Variants in RANBP17 observed in about 807,000 individuals in gnomAD.
RANBP17 encodes the protein RAN binding protein 17.
Under a neutral mutation model 141.2 loss-of-function variants are expected in RANBP17, and 158 were observed. That is an observed-to-expected ratio of 1.12 (90% CI 0.98 to 1.28). RANBP17 has a LOEUF of 1.28. Among genes scored for constraint, RANBP17 ranks in the 50% most tolerant of loss-of-function variants. RANBP17 has a pLI of 0.00. For synonymous variants in RANBP17, 430 were observed against 450.0 expected (o/e 0.96, Z 0.56); for missense variants, 1,438 against 1,290.7 (o/e 1.11, Z -1.75).
intron 14 of RANBP17, among the ~76,000 whole-genome samples, chr5:171,034,560 C>T (rs916206594): frequency 1.3e-5 from 2 of 152,220 alleles, no homozygotes; most frequent in African/African-American, 4.8e-5. Flanking sequence ...AATCAACCAA[C>T]TTCTTTCCAT....
rs1322533269 is a variant in RANBP17 at position 171,089,496 on chromosome 5, G to T, written c.1711-80634G>T. 2.0e-5 allele frequency among the ~76,000 whole-genome samples: 3 copies of T among 152,200 alleles called. No individual in the cohort carries two copies. In the East Asian group the frequency reaches 5.8e-4, roughly 30 times the overall value. ...CTGTGGTGGGCTCCACCCAGCTCGA[G>T]CTTCCCGGCTGCTTTGTTTACCTAA... On this transcript the variant is annotated intron_variant, in intron 14 of 27. Transcript: ENST00000523189.
At chr5:171,082,886 GAAA>G (rs11418055) in intron 14 of RANBP17, among the ~76,000 whole-genome samples, 5 of 145,124 alleles carry the variant, frequency 3.4e-5, no homozygotes, top group Admixed American at 2.1e-4. Flanking sequence ...CCTCTTTAAA[GAAA>G]AAAAAAAAAG....
intron 19 of RANBP17, 131 bp from the exon 20 acceptor site, chr5:171,205,393 G>A (rs1581019705): frequency 1.5e-6 from 1 of 681,374 alleles, no homozygotes; most frequent in East Asian, 2.7e-5. Context: ...CTTTTCTGTA[G>A]AAAGAGGTCT....
chr5:170,949,111 C>T (rs940815591), intron 12 of RANBP17, among the ~76,000 whole-genome samples: 2 of 152,136 alleles, frequency 1.3e-5, no homozygotes, highest in Non-Finnish European at 2.9e-5. Context: ...CACTGCCCTC[C>T]AGCCTGGGTG....
chr5:170,937,022 C>T (rs1773936110), intron 12 of RANBP17, among the ~76,000 whole-genome samples: 1 of 152,110 alleles, frequency 6.6e-6, no homozygotes, highest in Admixed American at 6.5e-5. Context: ...CTGCCTGTGT[C>T]TTTATATTTA....
At chr5:171,023,106 G>A (rs540967787) in intron 14 of RANBP17, among the ~76,000 whole-genome samples, 7 of 152,164 alleles carry the variant, frequency 4.6e-5, no homozygotes, top group Non-Finnish European at 8.8e-5. Context: ...TAGTCTCCTA[G>A]TCAGTTCTGA....
intron 14 of RANBP17, among the ~76,000 whole-genome samples, chr5:171,061,772 C>T (rs936131458): frequency 1.0e-3 from 155 of 152,264 alleles, no homozygotes; most frequent in African/African-American, 3.7e-3. Flanking sequence ...GTGTTAAAAT[C>T]TCCCATTATT....
At chr5:171,000,878 C>A (rs1385049555) in intron 14 of RANBP17, among the ~76,000 whole-genome samples, 1 of 152,062 alleles carries the variant, frequency 6.6e-6, no homozygotes, top group East Asian at 1.9e-4. Flanking sequence ...AAAGTACATT[C>A]ATCAGTTAGG....
rs141380514 is a variant in RANBP17, at chr5:171,073,449, T to C, written c.1711-96681T>C. The stretch of plus-strand genomic sequence containing the variant: ...TAGGAATGAACAATAAGTGAACATA[T>C]TGTGGGTGTTTAGAGCCAAGTTTCT... On this transcript the variant is annotated intron_variant, in intron 14 of 27. Coordinates refer to ENST00000523189, the MANE Select transcript of RANBP17 (RefSeq NM_022897.5). 9.4e-4 allele frequency among the ~76,000 whole-genome samples: 143 copies of C among 152,198 alleles called. 2 individuals are homozygous for C. The highest frequency in any genetic ancestry group is 3.4e-3 in the African/African-American group (141 of 41,526).
intron 14 of RANBP17, among the ~76,000 whole-genome samples, chr5:171,162,111 G>A (rs1206876268): frequency 1.3e-5 from 2 of 152,188 alleles, no homozygotes; most frequent in Non-Finnish European, 2.9e-5. Flanking sequence ...CCAAGCATCT[G>A]GTGCCATAGC....
intron 14 of RANBP17, among the ~76,000 whole-genome samples, chr5:171,101,302 T>G (rs1787142929): frequency 6.6e-6 from 1 of 152,222 alleles, no homozygotes; most frequent in Non-Finnish European, 1.5e-5. Context: ...GCATATATAT[T>G]TAAGATAGTT....
chr5:171,269,973 G>GT (rs1766986481), intron 25 of RANBP17, among the ~76,000 whole-genome samples: 1 of 152,142 alleles, frequency 6.6e-6, no homozygotes, highest in African/African-American at 2.4e-5. Context: ...AGTTTGAACT[G>GT]TTTTTCCCCC....
At chr5:171,173,674 T>C (rs942538628) in intron 16 of RANBP17, among the ~76,000 whole-genome samples, 4 of 152,108 alleles carry the variant, frequency 2.6e-5, no homozygotes, top group African/African-American at 4.8e-5. Context: ...TTGGTTGCCT[T>C]AAAGCAGTAG....
intron 24 of RANBP17, chr5:171,251,769 C>A: frequency 9.9e-7 from 1 of 1,013,882 alleles, no homozygotes; most frequent in Non-Finnish European, 1.5e-6. Context: ...CCTCCCGCGC[C>A]CGCCCCCGCC....
At chr5:171,119,686 A>T (rs550305755) in intron 14 of RANBP17, among the ~76,000 whole-genome samples, 20 of 152,036 alleles carry the variant, frequency 1.3e-4, no homozygotes, top group Non-Finnish European at 2.1e-4. Flanking sequence ...CTTTTTAGGT[A>T]TTCAAAGGGA....
chr5:170,945,355 G>A (rs1044811337), intron 12 of RANBP17, among the ~76,000 whole-genome samples: 2 of 152,034 alleles, frequency 1.3e-5, no homozygotes, highest in African/African-American at 4.8e-5. Flanking sequence ...TTTTTTTGTA[G>A]GTATGATACA....
At chr5:170,862,215 A>G (rs996403939) in intron 1 of RANBP17, among the ~76,000 whole-genome samples, 164 bp downstream of exon 1, 1 of 151,916 alleles carries the variant, frequency 6.6e-6, no homozygotes, top group Non-Finnish European at 1.5e-5. Flanking sequence ...GGACCGGGAC[A>G]CTGGTCTGGG....
intron 8 of RANBP17, among the ~76,000 whole-genome samples, chr5:170,915,493 C>T (rs1474293490): frequency 3.9e-5 from 6 of 152,070 alleles, no homozygotes; most frequent in African/African-American, 1.2e-4. Flanking sequence ...TATACTTGTA[C>T]TTCTGAGTTT....
intron 19 of RANBP17, among the ~76,000 whole-genome samples, chr5:171,204,612 T>G (rs541962343): frequency 6.6e-6 from 1 of 152,208 alleles, no homozygotes; most frequent in South Asian, 2.1e-4. Context: ...TGTTTATTTG[T>G]GCTCTTTGTT....
Sources: allele counts gnomAD v4.1 joint callset (sites outside exome capture counted in the v4.1 genomes callset), GRCh38; gene constraint gnomAD v4.1.1; transcripts MANE v1.5; gene names NCBI Gene and HGNC (gene_info 2026-07-23, HGNC 2026-07-21).